The following LRFN5 variants were observed in gnomAD, a reference collection of about 807,000 sequenced individuals.
LRFN5 encodes the protein leucine rich repeat and fibronectin type III domain containing 5, also known as leucine-rich repeat and fibronectin type-III domain-containing protein 5.
In LRFN5, 24 loss-of-function variants were observed where a neutral mutation model predicts 45.6. That is an observed-to-expected ratio of 0.53 (90% CI 0.38 to 0.74). LRFN5 has a LOEUF of 0.74. Among genes scored for constraint, LRFN5 ranks in the 30% least tolerant of loss-of-function variants. The pLI is 0.00. For synonymous variants in LRFN5, 340 were observed against 313.8 expected (o/e 1.08, Z -0.88); for missense variants, 776 against 861.5 (o/e 0.90, Z 1.24).
At chr14:41,701,850 C>T (rs1413506715) in intron 1 of LRFN5, among the ~76,000 whole-genome samples, 4 of 152,126 alleles carry the variant, frequency 2.6e-5, no homozygotes, top group African/African-American at 9.6e-5. Flanking sequence ...GATGGATCAA[C>T]AGCATTAGCA....
chr14:41,650,826 A>C (rs1056120264), intron 1 of LRFN5, among the ~76,000 whole-genome samples: 1 of 149,098 alleles, frequency 6.7e-6, no homozygotes. Flanking sequence ...CTTAAGTAAA[A>C]GTAGACATGA....
At chr14:41,834,985 G>A (rs1888611775) in intron 2 of LRFN5, among the ~76,000 whole-genome samples, 1 of 149,156 alleles carries the variant, frequency 6.7e-6, no homozygotes, top group Non-Finnish European at 1.5e-5. Context: ...TTGAATGTTA[G>A]TCTCCAGTGA....
rs563478951 is a variant in LRFN5 at position 41,608,118 on chromosome 14, G to C, written c.-641G>C. ...TGCGAGAACGCTCTCTTTGCTGCCC[G>C]CGGTCCGGTGGGCTTCGAAGCCAAT... On this transcript the variant is annotated 5_prime_UTR_variant, in exon 1 of 6. Coordinates refer to ENST00000298119, the MANE Select transcript of LRFN5 (RefSeq NM_152447.5). The C allele has an allele frequency of 6.6e-6, 1 of 152,284 alleles. No individual in the cohort carries two copies. The highest frequency in any genetic ancestry group is 2.4e-5 in the African/African-American group (1 of 41,424). The allele number at this position is 152,284 out of a possible 1,614,324, so 9.4% of individuals were successfully genotyped here.
At chr14:41,677,654 AAG>A (rs1162734498) in intron 1 of LRFN5, among the ~76,000 whole-genome samples, 1 of 152,166 alleles carries the variant, frequency 6.6e-6, no homozygotes, top group East Asian at 1.9e-4. Flanking sequence ...GAGTTTGTAG[AAG>A]AGAGAATCAG....
intron 4 of LRFN5, chr14:41,893,515 G>C: frequency 1.0e-6 from 1 of 984,498 alleles, no homozygotes; most frequent in East Asian, 1.1e-4. Flanking sequence ...AGTACTCTTT[G>C]GGAGTAAGTT....
intron 2 of LRFN5, among the ~76,000 whole-genome samples, chr14:41,827,759 A>C (rs1043687040): frequency 1.4e-4 from 22 of 152,188 alleles, no homozygotes; most frequent in African/African-American, 5.1e-4. Flanking sequence ...CATTTGTTTT[A>C]ACAATTTTTT....
chr14:41,713,446 T>C (rs1883366196), intron 1 of LRFN5, among the ~76,000 whole-genome samples: 1 of 152,092 alleles, frequency 6.6e-6, no homozygotes. Flanking sequence ...AACTTGTCTT[T>C]ATTAACATAA....
intron 1 of LRFN5, among the ~76,000 whole-genome samples, chr14:41,747,313 T>G (rs1238748445): frequency 6.8e-6 from 1 of 146,178 alleles, no homozygotes; most frequent in African/African-American, 2.5e-5. Context: ...ATCAAAGGAT[T>G]TTGGTACTGG....
intron 2 of LRFN5, among the ~76,000 whole-genome samples, chr14:41,877,415 C>T (rs1260999933): frequency 6.6e-6 from 1 of 152,010 alleles, no homozygotes; most frequent in East Asian, 1.9e-4. Flanking sequence ...TTAGAGAAGG[C>T]ACAAGTTAGA....
At chr14:41,703,344 T>C (rs1460617891) in intron 1 of LRFN5, among the ~76,000 whole-genome samples, 1 of 152,184 alleles carries the variant, frequency 6.6e-6, no homozygotes, top group African/African-American at 2.4e-5. Context: ...AGAAGATTTC[T>C]ATAAACAAAC....
intron 1 of LRFN5, among the ~76,000 whole-genome samples, chr14:41,630,531 A>T (rs569219995): frequency 6.6e-6 from 1 of 152,026 alleles, no homozygotes; most frequent in Non-Finnish European, 1.5e-5. Flanking sequence ...TTCTAATTCC[A>T]TGTTTTATAT....
chr14:41,674,146 C>T (rs1201078336), intron 1 of LRFN5, among the ~76,000 whole-genome samples: 6 of 135,080 alleles, frequency 4.4e-5, no homozygotes, highest in African/African-American at 8.4e-5. Flanking sequence ...CCAGTAGGGG[C>T]GGCCGGGCAG....
chr14:41,633,778 A>C (rs1888631195), intron 1 of LRFN5, among the ~76,000 whole-genome samples: 1 of 152,164 alleles, frequency 6.6e-6, no homozygotes, highest in East Asian at 1.9e-4. Context: ...AGTATAAAAT[A>C]AAACTGTTTA....
intron 1 of LRFN5, among the ~76,000 whole-genome samples, chr14:41,632,442 A>G (rs1403920998): frequency 6.6e-6 from 1 of 152,130 alleles, no homozygotes; most frequent in African/African-American, 2.4e-5. Context: ...CATCTCTATT[A>G]AAAATACAAA....
chr14:41,646,360 C>A (rs2138608815), intron 1 of LRFN5, among the ~76,000 whole-genome samples: 1 of 152,188 alleles, frequency 6.6e-6, no homozygotes, highest in African/African-American at 2.4e-5. Context: ...TATTCCTATT[C>A]CTATAAAAAT....
At chr14:41,757,049 G>C (rs1885424152) in intron 1 of LRFN5, among the ~76,000 whole-genome samples, 1 of 152,218 alleles carries the variant, frequency 6.6e-6, no homozygotes, top group Non-Finnish European at 1.5e-5. Flanking sequence ...CTGGGTATCA[G>C]CAGCAGAGGC....
intron 2 of LRFN5, among the ~76,000 whole-genome samples, chr14:41,864,853 A>G (rs1340043217): frequency 1.3e-5 from 2 of 151,818 alleles, no homozygotes; most frequent in African/African-American, 4.8e-5. Flanking sequence ...AGCTTTTACT[A>G]TCATTCTCAT....
rs535564194 is a variant in LRFN5 at position 41,840,333 on chromosome 14, C to T, written c.-20-46273C>T. The stretch of plus-strand genomic sequence containing the variant: ...CTTCACATCTCTAAAACTCTTTGTT[C>T]TCTTATAAAATAAATTAATATAAAT... On this transcript the variant is annotated intron_variant, in intron 2 of 5. Coordinates refer to ENST00000298119, the MANE Select transcript of LRFN5 (RefSeq NM_152447.5). Among the ~76,000 whole-genome samples the T allele has an allele frequency of 2.0e-5, 3 of 152,052 alleles. No homozygotes were observed. In the East Asian group the frequency reaches 5.8e-4, roughly 29 times the overall value.
At chr14:41,681,858 G>A (rs924137744) in intron 1 of LRFN5, among the ~76,000 whole-genome samples, 7 of 139,458 alleles carry the variant, frequency 5.0e-5, no homozygotes, top group Middle Eastern at 3.7e-3. Context: ...TCACTCTGTC[G>A]CCCAGGCTGG....
Sources: gnomAD v4.1 joint callset for allele counts (sites outside exome capture counted in the v4.1 genomes callset) on GRCh38, gnomAD v4.1.1 for gene constraint, MANE v1.5 for transcripts, NCBI Gene and HGNC (gene_info 2026-07-23, HGNC 2026-07-21) for gene names.